UNC13C: variants seen among roughly 807,000 people sequenced by gnomAD.
UNC13C encodes protein unc-13 homolog C.
A neutral mutation model predicts 245.4 loss-of-function variants in UNC13C; 174 were observed. That is an observed-to-expected ratio of 0.71 (90% CI 0.63 to 0.80). UNC13C has a LOEUF of 0.80. UNC13C is among the 30% of genes least tolerant of loss of function. The pLI, the probability that UNC13C is intolerant of heterozygous loss-of-function variation, is 0.00. For missense variants in UNC13C, 2,829 were observed against 2,602.9 expected (o/e 1.09, Z -1.89); for synonymous variants, 992 against 895.1 (o/e 1.11, Z -1.93).
At chr15:54,561,878 G>A (rs1022968066) in intron 29 of UNC13C, among the ~76,000 whole-genome samples, 1 of 151,942 alleles carries the variant, frequency 6.6e-6, no homozygotes, top group Non-Finnish European at 1.5e-5. Flanking sequence ...GGAGGAGAAA[G>A]GGAAAGATGG....
intron 4 of UNC13C, among the ~76,000 whole-genome samples, chr15:54,144,353 AT>A (rs2032163579): frequency 6.6e-6 from 1 of 151,740 alleles, no homozygotes; most frequent in Non-Finnish European, 1.5e-5. Flanking sequence ...GCATTTTAAC[AT>A]AAAACAGTCC....
intron 19 of UNC13C, among the ~76,000 whole-genome samples, chr15:54,469,469 A>T (rs1892343993): frequency 1.3e-5 from 2 of 151,458 alleles, no homozygotes; most frequent in African/African-American, 4.8e-5. Context: ...ACCCATCAGT[A>T]TTCACATGTC....
At chr15:53,846,788 C>A in the UNC13C span, among the ~76,000 whole-genome samples, 1 of 152,092 alleles carries the variant, frequency 6.6e-6, no homozygotes, top group Non-Finnish European at 1.5e-5. Context: ...GGAAGGTAAG[C>A]CATTTAATAA....
At chr15:54,282,173 A>G (rs1287115400) in intron 10 of UNC13C, among the ~76,000 whole-genome samples, 1 of 152,200 alleles carries the variant, frequency 6.6e-6, no homozygotes, top group Non-Finnish European at 1.5e-5. Flanking sequence ...AGTGATTTTT[A>G]GGTAACTACT....
intron 2 of UNC13C, among the ~76,000 whole-genome samples, chr15:54,111,104 T>C (rs1009665094): frequency 1.3e-5 from 2 of 152,244 alleles, no homozygotes; most frequent in African/African-American, 4.8e-5. Context: ...CCAGAATTGC[T>C]ATGTTGGTAA....
chr15:53,969,895 C>A, the UNC13C span, among the ~76,000 whole-genome samples: 3 of 152,092 alleles, frequency 2.0e-5, no homozygotes, highest in South Asian at 6.2e-4. Flanking sequence ...TCCTGACAAC[C>A]ACTCTTCTGC....
intron 1 of UNC13C, among the ~76,000 whole-genome samples, chr15:54,002,113 C>G (rs970988361): frequency 6.6e-6 from 1 of 152,094 alleles, no homozygotes; most frequent in Non-Finnish European, 1.5e-5. Context: ...GGTGAAACAC[C>G]GCCTCTACTA....
At chr15:54,252,455 A>C (rs1163394461) in intron 8 of UNC13C, among the ~76,000 whole-genome samples, 1 of 152,200 alleles carries the variant, frequency 6.6e-6, no homozygotes, top group Non-Finnish European at 1.5e-5. Context: ...GTGGGTATGC[A>C]TGCCCCAGGG....
intron 19 of UNC13C, among the ~76,000 whole-genome samples, chr15:54,435,107 T>A (rs375485529): frequency 6.6e-6 from 1 of 151,936 alleles, no homozygotes; most frequent in Non-Finnish European, 1.5e-5. Context: ...TGTGGAAAAA[T>A]AGGAATGCTT....
chr15:54,107,626 A>T (rs914747417), intron 2 of UNC13C, among the ~76,000 whole-genome samples: 1 of 152,200 alleles, frequency 6.6e-6, no homozygotes, highest in Non-Finnish European at 1.5e-5. Flanking sequence ...ATGGACTTCA[A>T]TTGATGCTGC....
the UNC13C span, among the ~76,000 whole-genome samples, chr15:53,887,676 T>A: frequency 6.6e-6 from 1 of 152,072 alleles, no homozygotes; most frequent in Non-Finnish European, 1.5e-5. Context: ...TCAACCCACA[T>A]ACATTAGGTA....
intron 2 of UNC13C, among the ~76,000 whole-genome samples, chr15:54,023,820 T>C (rs903539445): frequency 2.0e-5 from 3 of 152,184 alleles, no homozygotes; most frequent in African/African-American, 7.2e-5. Context: ...ACTAGGAATG[T>C]TGTTGCAAAG....
chr15:54,411,563 T>C (rs563573331), intron 18 of UNC13C, among the ~76,000 whole-genome samples: 1 of 152,244 alleles, frequency 6.6e-6, no homozygotes, highest in Admixed American at 6.5e-5. Context: ...TGCATGTGGT[T>C]ATTCAAGTAT....
intron 2 of UNC13C, among the ~76,000 whole-genome samples, chr15:54,135,855 A>G (rs1415295283): frequency 6.6e-6 from 1 of 152,104 alleles, no homozygotes; most frequent in Non-Finnish European, 1.5e-5. Context: ...GAATTCTGGT[A>G]GAGATTCCTT....
In UNC13C at chr15:54,131,955, A is replaced by G. The variant is rs145667337; in HGVS notation, c.2984-11063A>G. ...CCCGAATGAGTCCTTCCCAAACCCAATGTTCTCCATGGCTGAAGAGTTAGA... is the reference window on the plus strand; with the variant it reads ...CCCGAATGAGTCCTTCCCAAACCCAGTGTTCTCCATGGCTGAAGAGTTAGA... On this transcript the variant is annotated intron_variant, in intron 2 of 32. Transcript: ENST00000260323. Among the ~76,000 whole-genome samples the G allele has an allele frequency of 8.4e-4, 127 of 151,890 alleles. 1 individual carries two copies. In the East Asian group the frequency reaches 0.021, roughly 25 times the overall value.
chr15:54,552,573 T>TAA (rs1408382940), intron 28 of UNC13C, among the ~76,000 whole-genome samples: 1 of 83,242 alleles, frequency 1.2e-5, no homozygotes, highest in Non-Finnish European at 2.0e-5. Context: ...ATATTATATA[T>TAA]AATTATATTA....
At chr15:54,198,584 T>C (rs2034429942) in intron 4 of UNC13C, among the ~76,000 whole-genome samples, 2 of 152,132 alleles carry the variant, frequency 1.3e-5, no homozygotes, top group Non-Finnish European at 2.9e-5. Context: ...GCAGCTCCAC[T>C]GGGTGGGTAG....
At chr15:54,599,023 C>A (rs767276574) in intron 30 of UNC13C, among the ~76,000 whole-genome samples, 3 of 152,098 alleles carry the variant, frequency 2.0e-5, no homozygotes, top group Non-Finnish European at 2.9e-5. Flanking sequence ...TTCTACTTTT[C>A]CCTACTTAAT....
the UNC13C span, among the ~76,000 whole-genome samples, chr15:53,865,765 G>A: frequency 6.6e-6 from 1 of 152,020 alleles, no homozygotes; most frequent in African/African-American, 2.4e-5. Context: ...ATATAGCTTT[G>A]AAAATGTATA....
Sources: allele counts gnomAD v4.1 joint callset (sites outside exome capture counted in the v4.1 genomes callset), GRCh38; gene constraint gnomAD v4.1.1; transcripts MANE v1.5; gene names NCBI Gene and HGNC (gene_info 2026-07-23, HGNC 2026-07-21).